The following SLC4A10 variants were observed in gnomAD, a reference collection of about 807,000 sequenced individuals.
The protein encoded by SLC4A10 is sodium-driven chloride bicarbonate exchanger.
A neutral mutation model predicts 137.7 loss-of-function variants in SLC4A10; 42 were observed. The observed-to-expected ratio is 0.30, with a 90% confidence interval of 0.24 to 0.39. The LOEUF (loss-of-function observed/expected upper bound fraction) is 0.39, where lower values mean the gene tolerates loss of function less well. Ranked by LOEUF, SLC4A10 falls within the 10% of genes least tolerant of loss-of-function variation. The pLI is 1.00. For synonymous variants in SLC4A10, 474 were observed against 464.1 expected (o/e 1.02, Z -0.27); for missense variants, 925 against 1,355.0 (o/e 0.68, Z 4.98).
At chr2:161,924,058 A>G (rs1038766959) in intron 15 of SLC4A10, among the ~76,000 whole-genome samples, 1 of 152,146 alleles carries the variant, frequency 6.6e-6, no homozygotes, top group East Asian at 1.9e-4. Flanking sequence ...TCTTATTGCC[A>G]GAGTCACTAG....
chr2:161,626,732 A>T (rs1244385728), intron 1 of SLC4A10, among the ~76,000 whole-genome samples: 2 of 152,212 alleles, frequency 1.3e-5, no homozygotes, highest in African/African-American at 4.8e-5. Flanking sequence ...AACATGTCTA[A>T]GATCACCCAG....
At chr2:161,981,393 T>C (rs897634516) in intron 26 of SLC4A10, among the ~76,000 whole-genome samples, 2 of 152,234 alleles carry the variant, frequency 1.3e-5, no homozygotes, top group African/African-American at 4.8e-5. Flanking sequence ...TCTGGAATTC[T>C]CACTACAAGA....
chr2:161,914,496 C>T (rs1183305394), intron 15 of SLC4A10, among the ~76,000 whole-genome samples: 1 of 152,156 alleles, frequency 6.6e-6, no homozygotes, highest in Non-Finnish European at 1.5e-5. Context: ...CTTCAACTCC[C>T]CCTACTATAA....
chr2:161,656,571 A>T (rs1382636365), intron 1 of SLC4A10, among the ~76,000 whole-genome samples: 1 of 152,174 alleles, frequency 6.6e-6, no homozygotes, highest in Non-Finnish European at 1.5e-5. Context: ...AATATGGCTC[A>T]ACTTTGAAAC....
intron 1 of SLC4A10, among the ~76,000 whole-genome samples, chr2:161,769,274 C>T (rs912814827): frequency 1.3e-5 from 2 of 151,904 alleles, no homozygotes; most frequent in Non-Finnish European, 1.5e-5. Context: ...ACCTCAACAC[C>T]CTTAATATCC....
chr2:161,925,917 C>T (rs1194177605), intron 15 of SLC4A10, among the ~76,000 whole-genome samples: 1 of 152,110 alleles, frequency 6.6e-6, no homozygotes, highest in Non-Finnish European at 1.5e-5. Context: ...GTCTGAGAGA[C>T]AGTTTGTTAT....
chr2:161,915,618 C>G (rs1038845119), intron 15 of SLC4A10, among the ~76,000 whole-genome samples: 1 of 151,390 alleles, frequency 6.6e-6, no homozygotes, highest in Non-Finnish European at 1.5e-5. Flanking sequence ...GTCACAGGCA[C>G]CCCCACCTGG....
intron 1 of SLC4A10, among the ~76,000 whole-genome samples, chr2:161,722,957 T>A (rs2045848167): frequency 3.9e-5 from 6 of 152,186 alleles, no homozygotes. Context: ...GGCCACAATC[T>A]GCCGCAGCTG....
chr2:161,634,565 G>T (rs758331423), intron 1 of SLC4A10, among the ~76,000 whole-genome samples: 9 of 151,640 alleles, frequency 5.9e-5, no homozygotes, highest in Non-Finnish European at 1.0e-4. Context: ...CTTTTATTTG[G>T]TTTTTAATAG....
chr2:161,896,437 T>C (rs908111834), intron 11 of SLC4A10, among the ~76,000 whole-genome samples: 4 of 152,146 alleles, frequency 2.6e-5, no homozygotes, highest in South Asian at 2.1e-4. Context: ...GTAGTTTTTT[T>C]CCAATTCTGT....
chr2:161,825,811 A>G (rs193082851), intron 3 of SLC4A10, among the ~76,000 whole-genome samples: 140 of 152,314 alleles, frequency 9.2e-4, no homozygotes, highest in Non-Finnish European at 1.6e-3. Context: ...CTCATGTTAC[A>G]GCTCTTTCCG....
intron 1 of SLC4A10, 47 bp from the exon 2 acceptor site, chr2:161,770,926 G>A (rs2051509067): frequency 7.4e-7 from 1 of 1,353,894 alleles, no homozygotes; most frequent in African/African-American, 1.5e-5. Flanking sequence ...TTGAAATTGA[G>A]ATAATATGTG....
At chr2:161,879,996 GA>G (rs1300920908) in intron 9 of SLC4A10, among the ~76,000 whole-genome samples, 1 of 151,720 alleles carries the variant, frequency 6.6e-6, no homozygotes, top group Non-Finnish European at 1.5e-5. Context: ...GTAAAAAAAA[GA>G]AAAAGATAAA....
chr2:161,708,472 G>A (rs990471420), intron 1 of SLC4A10, among the ~76,000 whole-genome samples: 1 of 151,568 alleles, frequency 6.6e-6, no homozygotes, highest in Non-Finnish European at 1.5e-5. Flanking sequence ...AAATCTGAAG[G>A]ATGTGGCTCA....
chr2:161,796,863 G>A (rs1406175368), intron 2 of SLC4A10, among the ~76,000 whole-genome samples: 1 of 151,978 alleles, frequency 6.6e-6, no homozygotes, highest in Non-Finnish European at 1.5e-5. Flanking sequence ...CTTTCTACAT[G>A]TGCACATGTC....
intron 1 of SLC4A10, among the ~76,000 whole-genome samples, chr2:161,733,405 C>T (rs1258617934): frequency 6.6e-6 from 1 of 152,208 alleles, no homozygotes; most frequent in Non-Finnish European, 1.5e-5. Flanking sequence ...TTGGCAGCTT[C>T]CACATGGTGT....
At chr2:161,679,297 A>T (rs1437951458) in intron 1 of SLC4A10, among the ~76,000 whole-genome samples, 1 of 152,148 alleles carries the variant, frequency 6.6e-6, no homozygotes, top group African/African-American at 2.4e-5. Context: ...AGTCTAAGGT[A>T]ATAAATCATA....
chr2:161,950,980 T>G (rs1212105270), intron 19 of SLC4A10, 132 bp downstream of exon 19: 1 of 784,326 alleles, frequency 1.3e-6, no homozygotes, highest in South Asian at 2.5e-5. Context: ...TGTATAATTT[T>G]TATTGTCTTA....
chr2:161,628,415 G>A (rs1281445566), intron 1 of SLC4A10, among the ~76,000 whole-genome samples: 2 of 151,924 alleles, frequency 1.3e-5, no homozygotes, highest in Admixed American at 6.6e-5. Context: ...ATAGATGATT[G>A]GATTTAGTAC....
Sources: gnomAD v4.1 joint callset for allele counts (sites outside exome capture counted in the v4.1 genomes callset) on GRCh38, gnomAD v4.1.1 for gene constraint, MANE v1.5 for transcripts, NCBI Gene and HGNC (gene_info 2026-07-23, HGNC 2026-07-21) for gene names.